The following TMC7 variants were observed in gnomAD, a reference collection of about 807,000 sequenced individuals.
TMC7 encodes the protein transmembrane channel-like protein 7.
A neutral mutation model predicts 82.9 loss-of-function variants in TMC7; 54 were observed. The observed-to-expected ratio is 0.65, with a 90% CI of 0.52 to 0.82. The LOEUF is 0.82. Ranked by LOEUF, TMC7 falls within the 40% of genes least tolerant of loss-of-function variation. TMC7 has a pLI of 0.00. For missense variants in TMC7, 820 were observed against 901.2 expected (o/e 0.91, Z 1.15); for synonymous variants, 350 against 337.9 (o/e 1.04, Z -0.39).
At chr16:19,035,952 C>A (rs1470813710) in intron 7 of TMC7, 129 bp downstream of exon 7, 1 of 1,040,050 alleles carries the variant, frequency 9.6e-7, no homozygotes, top group East Asian at 2.7e-5. Context: ...GCAAGTTACC[C>A]CTCTGTAGCT....
intron 2 of TMC7, among the ~76,000 whole-genome samples, chr16:19,015,420 C>T (rs1042328090): frequency 6.6e-6 from 1 of 152,066 alleles, no homozygotes; most frequent in Non-Finnish European, 1.5e-5. Context: ...AGCCACTGTG[C>T]CTGGCCCGTC....
chr16:19,010,246 C>T (rs906600461), intron 2 of TMC7, among the ~76,000 whole-genome samples: 2 of 150,370 alleles, frequency 1.3e-5, no homozygotes, highest in African/African-American at 4.9e-5. Context: ...CCTCCACCTC[C>T]TGGATTCAAG....
At chr16:19,015,379 A>T (rs1959631204) in intron 2 of TMC7, among the ~76,000 whole-genome samples, 2 of 150,370 alleles carry the variant, frequency 1.3e-5, no homozygotes, top group Non-Finnish European at 1.5e-5. Context: ...CTCCTGCCTC[A>T]GCCTCCCAAA....
In TMC7 at chr16:19,002,265, T is replaced by C. The variant is rs540622074; in HGVS notation, c.68-6907T>C. 7.3e-5 allele frequency among the ~76,000 whole-genome samples: 11 copies of C among 150,744 alleles called. No individual in the cohort carries two copies. In the South Asian group the frequency reaches 2.1e-3, roughly 29 times the overall value. On this transcript the variant is annotated intron_variant, in intron 1 of 15. Coordinates refer to ENST00000304381, the MANE Select transcript of TMC7 (RefSeq NM_024847.4). ...TTTTTTTTTTTTTTAAGATGGAGTT[T>C]TGCTGTTGTTGTCCAGACTGAAGTG...
chr16:19,008,480 G>A (rs982613689), intron 1 of TMC7, among the ~76,000 whole-genome samples: 9 of 152,116 alleles, frequency 5.9e-5, no homozygotes, highest in Non-Finnish European at 8.8e-5. Flanking sequence ...GCCTCAGCTG[G>A]GGCAGTCATC....
At chr16:19,018,997 C>T (rs1182458041) in intron 3 of TMC7, among the ~76,000 whole-genome samples, 1 of 152,160 alleles carries the variant, frequency 6.6e-6, no homozygotes, top group Admixed American at 6.5e-5. Context: ...ACTACAGGCA[C>T]GTGCCACCAG....
rs1375378821 is a variant in TMC7 at position 19,045,359 on chromosome 16, G to A, written c.1474G>A (p.Gly492Arg). Residue 492 changes from glycine (G) to arginine (R), a missense_variant, in exon 11 of 16, where the codon GGG becomes AGG. Coordinates refer to ENST00000304381, the MANE Select transcript of TMC7 (RefSeq NM_024847.4). Reference protein sequence around the residue: ...KLYPCWETQVGQEMYKLMIFD... With the variant: ...KLYPCWETQVRQEMYKLMIFD... ...ATTTCAGTGCTGGGAGACCCAAGTT[G>A]GGCAGGAAATGTACAAGCTGATGAT... 2.5e-6 allele frequency: 4 copies of A among 1,613,814 alleles called. No individual in the cohort carries two copies. Among genetic ancestry groups the A allele is most frequent in the Non-Finnish European group, 3.4e-6 (4 of 1,179,930 alleles).
At position 19,035,776 on chromosome 16, in the gene TMC7, C is replaced by A; in HGVS notation, c.958C>A (p.Arg320Ser). 2 of 1,610,808 alleles carry A rather than the reference C, an allele frequency of 1.2e-6. No homozygotes were observed. The highest frequency in any genetic ancestry group is 1.7e-6 in the Non-Finnish European group (2 of 1,178,302). The change falls in exon 7 of 16, where the codon CGC becomes AGC. Residue 320 changes from arginine to serine, a missense_variant. Coordinates refer to ENST00000304381, the MANE Select transcript of TMC7 (RefSeq NM_024847.4). ...FAGWDFCITN[R>S]SMADLKHSSL... The stretch of plus-strand genomic sequence containing the variant: ...CGGCTGGGACTTCTGCATCACTAAC[C>A]GCAGCATGGCGGATCTGAAGCACAG...
At chr16:18,985,511 A>C (rs537271474) in intron 1 of TMC7, among the ~76,000 whole-genome samples, 15 of 152,114 alleles carry the variant, frequency 9.9e-5, no homozygotes, top group Non-Finnish European at 1.5e-4. Context: ...TCCTATTAAT[A>C]GTCATCTTAT....
chr16:19,027,227 C>T (rs917345503), intron 5 of TMC7, among the ~76,000 whole-genome samples: 3 of 151,092 alleles, frequency 2.0e-5, no homozygotes, highest in African/African-American at 4.9e-5. Context: ...TATGATGACG[C>T]CCAGCTAAAT....
In TMC7 at chr16:19,061,973, C is replaced by A; in HGVS notation, c.*130C>A. ...ATATTTTTCTTGAGTTTAGGCTTTT[C>A]CATATGTGCAGCTGTGTTTACCTAA... On this transcript the variant is annotated 3_prime_UTR_variant, in exon 16 of 16. Transcript: ENST00000304381. The A allele has an allele frequency of 1.5e-6, 1 of 687,368 alleles. No homozygotes were observed. Among genetic ancestry groups the A allele is most frequent in the Non-Finnish European group, 2.3e-6 (1 of 431,928 alleles). 42.6% of individuals were successfully genotyped at this position (687,368 alleles called of 1,614,324 possible).
intron 1 of TMC7, among the ~76,000 whole-genome samples, chr16:18,997,343 T>G (rs1030234083): frequency 6.6e-6 from 1 of 152,212 alleles, no homozygotes; most frequent in South Asian, 2.1e-4. Context: ...CTCAAAGTGC[T>G]GGGATTACAG....
At chr16:19,006,762 A>T (rs2039247186) in intron 1 of TMC7, among the ~76,000 whole-genome samples, 1 of 152,072 alleles carries the variant, frequency 6.6e-6, no homozygotes, top group African/African-American at 2.4e-5. Flanking sequence ...AGCACCCAAG[A>T]TGGCCTCATC....
intron 1 of TMC7, among the ~76,000 whole-genome samples, chr16:19,005,141 T>G (rs1469145580): frequency 6.6e-6 from 1 of 151,826 alleles, no homozygotes; most frequent in Non-Finnish European, 1.5e-5. Flanking sequence ...CAGGCTGGAG[T>G]GCAATGGCAA....
At position 19,009,364 on chromosome 16, in the gene TMC7, G is replaced by T. The variant is rs974555869; in HGVS notation, c.260G>T (p.Ser87Ile). 2 of 1,614,068 alleles carry T rather than the reference G, an allele frequency of 1.2e-6. No homozygotes were observed. The highest frequency in any genetic ancestry group is 1.3e-5 in the African/African-American group (1 of 74,926). Reference sequence around the variant, plus strand: ...GACAGAATCGCTGAAAACCTCAGCAGCCATTCTCTTCGAAATTATGCACTG... The same window carrying T: ...GACAGAATCGCTGAAAACCTCAGCATCCATTCTCTTCGAAATTATGCACTG... ...LEDRIAENLS[S>I]HSLRNYALNI... Residue 87 changes from serine to isoleucine, a missense_variant, in exon 2 of 16, where the codon AGC becomes ATC. Physicochemically the swap from Ser to Ile is moderately radical, Grantham distance 142. Around this residue, in one of 2 missense-constraint regions of TMC7, gnomAD observed 650 missense variants for 669.9 expected, o/e 0.97. Transcript: ENST00000304381.
intron 6 of TMC7, among the ~76,000 whole-genome samples, chr16:19,030,848 C>T (rs2142238734): frequency 6.6e-6 from 1 of 152,258 alleles, no homozygotes; most frequent in Admixed American, 6.5e-5. Context: ...TCTGGGATTA[C>T]AGGTGTGAGC....
chr16:18,994,437 G>A (rs1011965914), intron 1 of TMC7, among the ~76,000 whole-genome samples: 6 of 151,054 alleles, frequency 4.0e-5, no homozygotes, highest in African/African-American at 9.8e-5. Flanking sequence ...TGGGTGACAC[G>A]GCGAGACTCT....
At chr16:19,008,073 TGAAGCTTTGCTGCATA>T (rs897018550) in intron 1 of TMC7, among the ~76,000 whole-genome samples, 37 of 152,330 alleles carry the variant, frequency 2.4e-4, no homozygotes, top group African/African-American at 8.4e-4. Context: ...GCATTGATCA[TGAAGCTTTGCTGCATA>T]GAAGCTTTGC....
intron 5 of TMC7, among the ~76,000 whole-genome samples, chr16:19,025,081 G>C (rs966091196): frequency 6.6e-6 from 1 of 152,050 alleles, no homozygotes; most frequent in South Asian, 2.1e-4. Context: ...AGATAACTCT[G>C]TGTTGTGTAG....
Sources: gnomAD v4.1 joint callset for allele counts (sites outside exome capture counted in the v4.1 genomes callset) on GRCh38, gnomAD v4.1.1 for gene constraint, gnomAD v4.1.1 regional missense constraint, MANE v1.5 for transcripts, NCBI Gene and HGNC (gene_info 2026-07-23, HGNC 2026-07-21) for gene names.